Variants in PEAK1 observed in about 807,000 individuals in gnomAD.
PEAK1 encodes inactive tyrosine-protein kinase PEAK1.
Under a neutral mutation model 124.7 loss-of-function variants are expected in PEAK1, and 54 were observed. The observed-to-expected ratio is 0.43, with a 90% CI of 0.35 to 0.54. The LOEUF (loss-of-function observed/expected upper bound fraction) is 0.54. PEAK1 is among the 20% of genes least tolerant of loss of function. The pLI, the probability that PEAK1 is intolerant of heterozygous loss-of-function variation, is 0.01. For missense variants in PEAK1, 2,046 were observed against 2,134.5 expected, an observed-to-expected ratio of 0.96 and a Z score of 0.82; for synonymous variants, 719 against 760.0, an observed-to-expected ratio of 0.95 and a Z score of 0.89.
At chr15:77,151,747 G>T (rs2054645381) in intron 8 of PEAK1, among the ~76,000 whole-genome samples, 1 of 152,130 alleles carries the variant, frequency 6.6e-6, no homozygotes, top group Non-Finnish European at 1.5e-5. Context: ...AGTTTTCCCA[G>T]CACCATTTAT....
intron 2 of PEAK1, among the ~76,000 whole-genome samples, chr15:77,328,385 T>C (rs1004181212): frequency 6.6e-6 from 1 of 152,160 alleles, no homozygotes; most frequent in African/African-American, 2.4e-5. Context: ...TCTGACACCA[T>C]GCAGACCAAA....
chr15:77,359,886 C>G lies in PEAK1; in HGVS notation c.-603+5277G>C, dbSNP rs887448660. On this transcript the variant is annotated intron_variant, in intron 2 of 9. Coordinates refer to ENST00000682557, the MANE Select transcript of PEAK1 (RefSeq NM_001385026.1). ...ATTCCTGCCTCAGATTCAACACAAT[C>G]AAAATCTAGCTGGATTTTTTTGTAA... is the stretch of plus-strand genomic sequence containing the variant. Among the ~76,000 whole-genome samples the G allele has an allele frequency of 1.3e-5, 2 of 152,172 alleles. 1 individual carries two copies. Among genetic ancestry groups the G allele is most frequent in the South Asian group, 4.1e-4 (2 of 4,828 alleles).
At chr15:77,163,882 T>C (rs2055876843) in intron 7 of PEAK1, among the ~76,000 whole-genome samples, 1 of 152,084 alleles carries the variant, frequency 6.6e-6, no homozygotes, top group African/African-American at 2.4e-5. Context: ...CCCCGAAAAA[T>C]CAGACTAAAG....
chr15:77,253,284 C>A (rs2060971547), intron 5 of PEAK1, among the ~76,000 whole-genome samples: 1 of 150,166 alleles, frequency 6.7e-6, no homozygotes, highest in African/African-American at 2.4e-5. Flanking sequence ...CCTGAGGACA[C>A]ATCAAGGATG....
Position 77,365,845 on chromosome 15 carries a change from C to G in PEAK1, c.-665-620G>C, listed in dbSNP as rs2068197425. Among the ~76,000 whole-genome samples, 3 of 149,852 alleles carry G rather than the reference C, an allele frequency of 2.0e-5. No individual in the cohort carries two copies. In the South Asian group the frequency reaches 6.5e-4, roughly 32 times the overall value. ...TCAATTCTTCAAAAGAAAGTATTTT[C>G]TACAGTTTACACTCCCTATATTATG... On this transcript the variant is annotated intron_variant, in intron 1 of 9. Transcript: ENST00000682557.
In PEAK1 at chr15:77,418,689, G is replaced by A. The variant is rs1019983881; in HGVS notation, c.-666+1317C>T. The A allele has an allele frequency of 5.1e-6, 5 of 985,326 alleles. No homozygotes were observed. The African/African-American group carries it at 8.7e-5, about 17-fold the overall frequency. 61.0% of individuals were successfully genotyped at this position (985,326 alleles called of 1,614,324 possible). A position where few individuals can be genotyped will look rare whatever the true frequency, so the allele number is the denominator to read the frequency against. On this transcript the variant is annotated intron_variant, in intron 1 of 9. Coordinates refer to ENST00000682557, the MANE Select transcript of PEAK1 (RefSeq NM_001385026.1). The stretch of plus-strand genomic sequence containing the variant: ...GAAATGCTCTGAGATTACGAGAGAA[G>A]CCATCATGAAGTGAGTATCCAAGAT...
intron 7 of PEAK1, among the ~76,000 whole-genome samples, chr15:77,175,700 C>T (rs2152811541): frequency 6.6e-6 from 1 of 152,308 alleles, no homozygotes; most frequent in African/African-American, 2.4e-5. Flanking sequence ...TGTGGTGATT[C>T]CTCAGGCATC....
intron 1 of PEAK1, among the ~76,000 whole-genome samples, chr15:77,380,307 T>G (rs1355477296): frequency 6.6e-6 from 1 of 152,140 alleles, no homozygotes; most frequent in African/African-American, 2.4e-5. Flanking sequence ...ATCTGCCAGA[T>G]AATTAGAATC....
At position 77,179,899 on chromosome 15, in the gene PEAK1, A is replaced by T; in HGVS notation, c.2028T>A (p.Asp676Glu). 1 of 1,614,158 alleles carries T rather than the reference A, an allele frequency of 6.2e-7. No individual in the cohort carries two copies. Among genetic ancestry groups the T allele is most frequent in the Non-Finnish European group, 8.5e-7 (1 of 1,180,000 alleles). Residue 676 changes from aspartate (D) to glutamate (E), a missense_variant, in exon 7 of 10, where the codon GAT becomes GAA. Physicochemically the swap from Asp to Glu is conservative, Grantham distance 45. Transcript: ENST00000682557. ...EEIETESKVPDNTTSKTTDCL... is the reference protein window; with the variant it reads ...EEIETESKVPENTTSKTTDCL... Reference sequence around the variant, plus strand: ...AGTCAGTGGTTTTGCTAGTGGTGTTATCAGGCACTTTGCTTTCTGTTTCTA... The same window carrying T: ...AGTCAGTGGTTTTGCTAGTGGTGTTTTCAGGCACTTTGCTTTCTGTTTCTA...
At chr15:77,279,530 T>A (rs763124017) in intron 5 of PEAK1, among the ~76,000 whole-genome samples, 2 of 152,174 alleles carry the variant, frequency 1.3e-5, no homozygotes, top group Non-Finnish European at 2.9e-5. Context: ...TGGTTCCATT[T>A]CCAGATTGTG....
At chr15:77,262,273 T>C (rs1027223275) in intron 5 of PEAK1, among the ~76,000 whole-genome samples, 9 of 152,094 alleles carry the variant, frequency 5.9e-5, no homozygotes, top group African/African-American at 1.2e-4. Context: ...TAACTTTAAA[T>C]GTAAATGGGC....
chr15:77,264,061 A>G (rs1279262499), intron 5 of PEAK1, among the ~76,000 whole-genome samples: 1 of 152,196 alleles, frequency 6.6e-6, no homozygotes, highest in Non-Finnish European at 1.5e-5. Context: ...ACAACCCTTC[A>G]TGCTAAAAAC....
chr15:77,259,405 C>T (rs866697938), intron 5 of PEAK1, among the ~76,000 whole-genome samples: 3 of 152,012 alleles, frequency 2.0e-5, no homozygotes, highest in African/African-American at 7.2e-5. Flanking sequence ...TATGATATAT[C>T]CTTTTCTTCT....
At chr15:77,390,240 A>G (rs1228584974) in intron 1 of PEAK1, among the ~76,000 whole-genome samples, 1 of 152,238 alleles carries the variant, frequency 6.6e-6, no homozygotes, top group Non-Finnish European at 1.5e-5. Flanking sequence ...GAAGTGGAGC[A>G]TCATATTCAC....
intron 1 of PEAK1, among the ~76,000 whole-genome samples, chr15:77,416,590 G>A (rs34664675): frequency 0.077 from 11,685 of 152,194 alleles, 562 homozygotes; most frequent in Non-Finnish European, 0.1. Flanking sequence ...TTGGAATTAA[G>A]TTAAAGTTAT....
At chr15:77,266,544 A>G (rs998926272) in intron 5 of PEAK1, among the ~76,000 whole-genome samples, 1 of 152,204 alleles carries the variant, frequency 6.6e-6, no homozygotes, top group Non-Finnish European at 1.5e-5. Flanking sequence ...GAAATGCAAA[A>G]TCTCATGACA....
chr15:77,170,266 A>C (rs2056416255), intron 7 of PEAK1, among the ~76,000 whole-genome samples: 1 of 152,142 alleles, frequency 6.6e-6, no homozygotes, highest in African/African-American at 2.4e-5. Context: ...TACATGTTTA[A>C]AATTTTCAAT....
At chr15:77,137,333 T>C (rs549444982) in intron 8 of PEAK1, among the ~76,000 whole-genome samples, 4 of 152,240 alleles carry the variant, frequency 2.6e-5, no homozygotes, top group South Asian at 2.1e-4. Flanking sequence ...CCCAGAATGG[T>C]AGATCCACTG....
chr15:77,220,902 T>C (rs2059359221), intron 6 of PEAK1, among the ~76,000 whole-genome samples: 1 of 152,022 alleles, frequency 6.6e-6, no homozygotes. Context: ...GTTTAAAAAG[T>C]AGATTAGAAA....
Sources: allele counts gnomAD v4.1 joint callset (sites outside exome capture counted in the v4.1 genomes callset), GRCh38; gene constraint gnomAD v4.1.1; transcripts MANE v1.5; gene names NCBI Gene and HGNC (gene_info 2026-07-23, HGNC 2026-07-21).